The following NTM variants were observed in gnomAD, a reference collection of about 807,000 sequenced individuals.
NTM encodes IgLON family member 2.
A neutral mutation model predicts 42.1 loss-of-function variants in NTM; 13 were observed. The observed-to-expected ratio is 0.31, with a 90% CI of 0.20 to 0.49. The LOEUF is 0.49. NTM is among the 20% of genes least tolerant of loss of function. NTM has a pLI of 0.99. For synonymous variants in NTM, 187 were observed against 179.2 expected (o/e 1.04, Z -0.35); for missense variants, 373 against 452.8 (o/e 0.82, Z 1.60).
In NTM at chr11:131,409,146, G is replaced by A. The variant is rs538754275; in HGVS notation, c.82+38258G>A. On this transcript the variant is annotated intron_variant, in intron 1 of 8. Coordinates refer to ENST00000683400, the MANE Select transcript of NTM (RefSeq NM_001352005.2). ...GCCATGACAGAAATCATTGATGTCA[G>A]CAAACAACTAACAGGCAGGTGTACA... 2.1e-4 allele frequency among the ~76,000 whole-genome samples: 32 copies of A among 152,354 alleles called. No homozygotes were observed. In the East Asian group the frequency reaches 5.0e-3, roughly 24 times the overall value.
At chr11:131,608,346 T>C (rs1195772638) in intron 1 of NTM, among the ~76,000 whole-genome samples, 1 of 152,200 alleles carries the variant, frequency 6.6e-6, no homozygotes, top group Non-Finnish European at 1.5e-5. Flanking sequence ...GATGACTTGA[T>C]AGGAAAGAAC....
At chr11:131,649,221 G>A (rs967570980) in intron 1 of NTM, among the ~76,000 whole-genome samples, 3 of 152,190 alleles carry the variant, frequency 2.0e-5, no homozygotes, top group Admixed American at 1.3e-4. Context: ...AACACTGTGC[G>A]TGGCACCCAT....
intron 1 of NTM, among the ~76,000 whole-genome samples, chr11:131,527,284 T>C (rs2050633547): frequency 1.3e-5 from 2 of 152,150 alleles, no homozygotes; most frequent in Non-Finnish European, 2.9e-5. Flanking sequence ...ACAAAACAGT[T>C]TTTATTCCCC....
At chr11:132,012,140 C>G (rs532683341) in intron 2 of NTM, among the ~76,000 whole-genome samples, 20 of 152,070 alleles carry the variant, frequency 1.3e-4, no homozygotes, top group African/African-American at 4.6e-4. Context: ...CCTTGTAAAC[C>G]TATGTGGTGG....
intron 1 of NTM, among the ~76,000 whole-genome samples, chr11:131,788,429 T>C (rs150830710): frequency 6.6e-6 from 1 of 152,270 alleles, no homozygotes; most frequent in African/African-American, 2.4e-5. Context: ...GGTGGCTCTC[T>C]TTTGTATTTT....
chr11:131,627,110 C>T (rs2063178635), intron 1 of NTM, among the ~76,000 whole-genome samples: 3 of 152,120 alleles, frequency 2.0e-5, no homozygotes, highest in African/African-American at 2.4e-5. Context: ...AATGAAATTT[C>T]GATTATAATA....
chr11:132,267,855 CAAAA>C (rs927047157), intron 4 of NTM, among the ~76,000 whole-genome samples: 28 of 146,066 alleles, frequency 1.9e-4, no homozygotes, highest in Non-Finnish European at 3.3e-4. Flanking sequence ...AAAAAAAAAA[CAAAA>C]AAAACCCAGA....
chr11:132,206,974 G>T (rs989926085), intron 3 of NTM, among the ~76,000 whole-genome samples: 2 of 152,206 alleles, frequency 1.3e-5, no homozygotes, highest in African/African-American at 4.8e-5. Context: ...TCCTCAAACA[G>T]ATTGTAAGTT....
At chr11:132,268,206 A>G (rs1394097100) in intron 4 of NTM, among the ~76,000 whole-genome samples, 3 of 152,236 alleles carry the variant, frequency 2.0e-5, no homozygotes, top group Admixed American at 1.3e-4. Context: ...CTTAGTTCCA[A>G]TAAGACTTAT....
chr11:132,201,640 G>A (rs771194407), intron 3 of NTM, among the ~76,000 whole-genome samples: 114 of 152,200 alleles, frequency 7.5e-4, no homozygotes, highest in Non-Finnish European at 8.7e-4. Flanking sequence ...AGGAGATGTT[G>A]CTGAGCACTA....
At chr11:132,037,815 G>T (rs564692348) in intron 2 of NTM, among the ~76,000 whole-genome samples, 3 of 152,164 alleles carry the variant, frequency 2.0e-5, no homozygotes, top group Non-Finnish European at 1.5e-5. Context: ...TAACATAGCT[G>T]CTATGTAACT....
intron 2 of NTM, among the ~76,000 whole-genome samples, chr11:131,935,435 T>A (rs906081093): frequency 2.6e-5 from 4 of 152,218 alleles, no homozygotes; most frequent in Middle Eastern, 3.2e-3. Context: ...TTTCTTGTGT[T>A]TATTAGTCAT....
At chr11:131,485,191 C>T (rs186594349) in intron 1 of NTM, among the ~76,000 whole-genome samples, 2 of 152,316 alleles carry the variant, frequency 1.3e-5, no homozygotes, top group East Asian at 3.9e-4. Flanking sequence ...GGGCATCAGG[C>T]CCTCCAGGCC....
At chr11:131,995,047 G>A (rs1171920875) in intron 2 of NTM, among the ~76,000 whole-genome samples, 1 of 152,088 alleles carries the variant, frequency 6.6e-6, no homozygotes, top group Non-Finnish European at 1.5e-5. Flanking sequence ...TTATTGAAAT[G>A]AGCCAGACTG....
chr11:132,316,199 C>G (rs967920931), intron 7 of NTM, among the ~76,000 whole-genome samples: 1 of 146,224 alleles, frequency 6.8e-6, no homozygotes, highest in South Asian at 2.2e-4. Context: ...TGATTGTATA[C>G]TTCCCCGGCT....
chr11:131,632,673 C>CATTTTTTTT, intron 1 of NTM, among the ~76,000 whole-genome samples: 1 of 83,060 alleles, frequency 1.2e-5, no homozygotes, highest in Non-Finnish European at 2.1e-5. Context: ...GCTCGGGCAG[C>CATTTTTTTT]TTTTTTTTTT....
rs115947672 is a variant in NTM at position 131,552,377 on chromosome 11, G to A, written c.82+181489G>A. Reference sequence around the variant, plus strand: ...CATATGGCCCAGAAATTATACTCCTGGTTGAAAGAAATGTGTGTACATAGG... The same window carrying A: ...CATATGGCCCAGAAATTATACTCCTAGTTGAAAGAAATGTGTGTACATAGG... On this transcript the variant is annotated intron_variant, in intron 1 of 8. Coordinates refer to ENST00000683400, the MANE Select transcript of NTM (RefSeq NM_001352005.2). Among the ~76,000 whole-genome samples the A allele has an allele frequency of 6.4e-3, 973 of 152,212 alleles. 14 individuals are homozygous for A. Among genetic ancestry groups the A allele is most frequent in the African/African-American group, 0.023 (942 of 41,516 alleles).
intron 1 of NTM, among the ~76,000 whole-genome samples, chr11:131,817,760 G>A (rs748559088): frequency 2.0e-5 from 3 of 152,320 alleles, no homozygotes; most frequent in African/African-American, 4.8e-5. Context: ...GTCCAGCACC[G>A]TGAAGTTGGC....
chr11:132,133,464 C>G (rs1439368074), intron 2 of NTM, among the ~76,000 whole-genome samples: 1 of 152,202 alleles, frequency 6.6e-6, no homozygotes, highest in Non-Finnish European at 1.5e-5. Context: ...TAATCCCATC[C>G]TAATGCACTT....
Sources: gnomAD v4.1 joint callset for allele counts (sites outside exome capture counted in the v4.1 genomes callset) on GRCh38, gnomAD v4.1.1 for gene constraint, MANE v1.5 for transcripts, NCBI Gene and HGNC (gene_info 2026-07-23, HGNC 2026-07-21) for gene names.